Variants in ARHGAP39 observed in about 807,000 individuals in gnomAD.
ARHGAP39 encodes rho GTPase-activating protein 39.
Under a neutral mutation model 106.9 loss-of-function variants are expected in ARHGAP39, and 44 were observed. The ratio of observed to expected loss-of-function variants is 0.41; its 90% CI spans 0.32 to 0.53. The LOEUF is 0.53. Ranked by LOEUF, ARHGAP39 falls within the 20% of genes least tolerant of loss-of-function variation. ARHGAP39 has a pLI of 0.21. For missense variants in ARHGAP39, 1,496 were observed against 1,577.3 expected (o/e 0.95, Z 0.87); for synonymous variants, 768 against 693.2 (o/e 1.11, Z -1.69).
intron 2 of ARHGAP39, among the ~76,000 whole-genome samples, chr8:144,582,844 G>T (rs936797537): frequency 6.6e-6 from 1 of 152,186 alleles, no homozygotes. Flanking sequence ...CCTGAGGCCC[G>T]CCTGTGGATG....
At chr8:144,576,871 C>T (rs1818797703) in intron 3 of ARHGAP39, among the ~76,000 whole-genome samples, 1 of 152,186 alleles carries the variant, frequency 6.6e-6, no homozygotes, top group South Asian at 2.1e-4. Flanking sequence ...GCAAGATGAG[C>T]TCCTGCCCGT....
At chr8:144,616,994 T>A (rs1261142678) in intron 1 of ARHGAP39, among the ~76,000 whole-genome samples, 1 of 152,080 alleles carries the variant, frequency 6.6e-6, no homozygotes. Flanking sequence ...GGAGAATCAC[T>A]TGAGGTCAGG....
intron 4 of ARHGAP39, among the ~76,000 whole-genome samples, chr8:144,554,188 C>G (rs1817829090): frequency 6.6e-6 from 1 of 152,308 alleles, no homozygotes; most frequent in Middle Eastern, 3.4e-3. Flanking sequence ...TTCGTGGAGA[C>G]CAGGACCTGG....
At chr8:144,637,315 C>T (rs967195018) in intron 1 of ARHGAP39, among the ~76,000 whole-genome samples, 26 of 152,124 alleles carry the variant, frequency 1.7e-4, no homozygotes, top group African/African-American at 6.0e-4. Context: ...TTGAACCCTA[C>T]AAAGATTATT....
chr8:144,628,183 A>G (rs1305210193), intron 1 of ARHGAP39, among the ~76,000 whole-genome samples: 1 of 152,142 alleles, frequency 6.6e-6, no homozygotes, highest in African/African-American at 2.4e-5. Context: ...GGCGTGGGGT[A>G]CCATGGTGGT....
At chr8:144,677,434 G>C (rs991938761) in intron 1 of ARHGAP39, among the ~76,000 whole-genome samples, 1 of 152,230 alleles carries the variant, frequency 6.6e-6, no homozygotes, top group Non-Finnish European at 1.5e-5. Context: ...AGCAAACCCT[G>C]ATGTGACGGA....
intron 1 of ARHGAP39, among the ~76,000 whole-genome samples, chr8:144,680,255 T>C: frequency 6.6e-6 from 1 of 152,188 alleles, no homozygotes; most frequent in Non-Finnish European, 1.5e-5. Flanking sequence ...CCTGCAATTA[T>C]CTCCCCTTTA....
intron 4 of ARHGAP39, among the ~76,000 whole-genome samples, chr8:144,552,261 T>C (rs529089747): frequency 1.3e-5 from 2 of 152,310 alleles, no homozygotes; most frequent in Admixed American, 6.5e-5. Context: ...GGAGGAAGAA[T>C]TGGAAGCGCT....
chr8:144,530,441 A>T lies in ARHGAP39; in HGVS notation c.3326T>A (p.Phe1109Tyr). Reference protein sequence around the residue: ...RVLIQHLDTSFMEGVL With the variant: ...RVLIQHLDTSYMEGVL The stretch of plus-strand genomic sequence containing the variant: ...CCCCCGCTACAGCACACCCTCCATG[A>T]AGCTGGTGTCCAGGTGCTGGATGAG... Residue 1109 changes from phenylalanine to tyrosine, a missense_variant, in exon 12 of 12, where the codon TTC becomes TAC. Around this residue, in one of 4 missense-constraint regions of ARHGAP39, gnomAD observed 470 missense variants for 605.1 expected, o/e 0.78. Coordinates refer to ENST00000377307, the MANE Select transcript of ARHGAP39 (RefSeq NM_025251.3). 1 of 1,607,244 alleles carries T rather than the reference A, an allele frequency of 6.2e-7. No individual in the cohort carries two copies. The highest frequency in any genetic ancestry group is 8.5e-7 in the Non-Finnish European group (1 of 1,176,632).
chr8:144,597,483 C>T (rs1225411708), intron 2 of ARHGAP39, among the ~76,000 whole-genome samples: 4 of 152,206 alleles, frequency 2.6e-5, no homozygotes, highest in Non-Finnish European at 5.9e-5. Flanking sequence ...AAGGAAGCCA[C>T]GTGCCCAGGC....
At chr8:144,659,896 C>T (rs182387812) in intron 1 of ARHGAP39, among the ~76,000 whole-genome samples, 25 of 152,270 alleles carry the variant, frequency 1.6e-4, no homozygotes, top group African/African-American at 4.3e-4. Flanking sequence ...CCCCAGTCTC[C>T]GTTATAATCC....
In ARHGAP39 at chr8:144,576,791, A is replaced by G. The variant is rs1482085555; in HGVS notation, c.512+4055T>C. ...GAGGGAGAGTTATTTTTAAAATGTT[A>G]ACGCCAAGTCCGCTCGTCCGCTTGT... On this transcript the variant is annotated intron_variant, in intron 3 of 11. Coordinates refer to ENST00000377307, the MANE Select transcript of ARHGAP39 (RefSeq NM_025251.3). 3.9e-5 allele frequency among the ~76,000 whole-genome samples: 6 copies of G among 152,180 alleles called. No individual in the cohort carries two copies. The East Asian group carries it at 1.2e-3, about 29-fold the overall frequency.
chr8:144,673,570 C>G (rs1420186135), intron 1 of ARHGAP39, among the ~76,000 whole-genome samples: 1 of 152,276 alleles, frequency 6.6e-6, no homozygotes, highest in Non-Finnish European at 1.5e-5. Context: ...AACCACTAAT[C>G]TACTTTCTAT....
chr8:144,549,227 G>A (rs747071810), intron 4 of ARHGAP39, among the ~76,000 whole-genome samples: 8 of 152,218 alleles, frequency 5.3e-5, no homozygotes, highest in African/African-American at 1.7e-4. Context: ...TGCCCCTGGC[G>A]GCCCAAGGTG....
chr8:144,609,555 C>A (rs1330859148), intron 1 of ARHGAP39, among the ~76,000 whole-genome samples: 2 of 151,940 alleles, frequency 1.3e-5, no homozygotes, highest in Admixed American at 1.3e-4. Flanking sequence ...GCACCCACCA[C>A]TATGCCCAGC....
Position 144,671,695 on chromosome 8 carries a change from C to T in ARHGAP39, c.-82+13991G>A, listed in dbSNP as rs544411687. Among the ~76,000 whole-genome samples the T allele has an allele frequency of 6.6e-6, 1 of 152,350 alleles. No individual in the cohort carries two copies. The highest frequency in any genetic ancestry group is 2.4e-5 in the African/African-American group (1 of 41,586). On this transcript the variant is annotated intron_variant, in intron 1 of 11. Coordinates refer to ENST00000377307, the MANE Select transcript of ARHGAP39 (RefSeq NM_025251.3). The surrounding 1 kb of genome is among the most constrained non-coding windows in gnomAD (Gnocchi z 4.5). The stretch of plus-strand genomic sequence containing the variant: ...CTCCAGAAAGCCTACCTGAACTCCA[C>T]GCCCCTCCCGGCCAGCCACCCTAGG...
rs113860000 is a variant in ARHGAP39 at position 144,585,293 on chromosome 8, A to G, written c.81-4016T>C. 5.7e-3 allele frequency among the ~76,000 whole-genome samples: 864 copies of G among 151,818 alleles called. 7 individuals are homozygous for G. The highest frequency in any genetic ancestry group is 0.016 in the African/African-American group (665 of 41,368). On this transcript the variant is annotated intron_variant, in intron 2 of 11. Coordinates refer to ENST00000377307, the MANE Select transcript of ARHGAP39 (RefSeq NM_025251.3). The surrounding 1 kb of genome is among the most constrained non-coding windows in gnomAD (Gnocchi z 4.6). ...GTCTCCCTTCCTTCTCTCCATGGAC[A>G]TCCCAAATCACCACAGAGAACCTGA...
At chr8:144,577,183 G>C (rs1005635321) in intron 3 of ARHGAP39, among the ~76,000 whole-genome samples, 1 of 152,142 alleles carries the variant, frequency 6.6e-6, no homozygotes, top group African/African-American at 2.4e-5. Context: ...TTGCTCACGT[G>C]GGTTTCATGG....
chr8:144,647,569 A>G lies in ARHGAP39; in HGVS notation c.-82+38117T>C, dbSNP rs1000930911. Among the ~76,000 whole-genome samples the G allele has an allele frequency of 2.0e-5, 3 of 152,232 alleles. No individual in the cohort carries two copies. The highest frequency in any genetic ancestry group is 2.9e-5 in the Non-Finnish European group (2 of 68,044). Reference sequence around the variant, plus strand: ...CAGCCACGCCTGAACAGAGACTCTCATTCTTCCTGAGGAAATGAAAACAAA... The same window carrying G: ...CAGCCACGCCTGAACAGAGACTCTCGTTCTTCCTGAGGAAATGAAAACAAA... On this transcript the variant is annotated intron_variant, in intron 1 of 11. Coordinates refer to ENST00000377307, the MANE Select transcript of ARHGAP39 (RefSeq NM_025251.3). The surrounding 1 kb of genome is among the most constrained non-coding windows in gnomAD (Gnocchi z 4.8).
Sources: gnomAD v4.1 joint callset for allele counts (sites outside exome capture counted in the v4.1 genomes callset) on GRCh38, gnomAD v4.1.1 for gene constraint, gnomAD v4.1.1 regional missense constraint, Gnocchi (gnomAD v3.1) non-coding constraint, MANE v1.5 for transcripts, NCBI Gene and HGNC (gene_info 2026-07-23, HGNC 2026-07-21) for gene names.